TANGO6: variants seen among roughly 807,000 people sequenced by gnomAD.
TANGO6 encodes the protein transport and golgi organization 6 homolog, also known as transport and Golgi organization protein 6 homolog.
TANGO6 carries 90 observed loss-of-function variants against 114.2 expected under a neutral mutation model. That is an observed-to-expected ratio of 0.79 (90% confidence interval 0.66 to 0.94). The LOEUF is 0.94. TANGO6 is among the 40% of genes least tolerant of loss of function. TANGO6 has a pLI of 0.00. For missense variants in TANGO6, 1,274 were observed against 1,315.3 expected (o/e 0.97, Z 0.49); for synonymous variants, 477 against 509.8 (o/e 0.94, Z 0.87).
intron 15 of TANGO6, among the ~76,000 whole-genome samples, chr16:68,999,404 G>T (rs1964020211): frequency 6.6e-6 from 1 of 152,110 alleles, no homozygotes; most frequent in African/African-American, 2.4e-5. Context: ...GCTTTTATTG[G>T]CTCTATAAGT....
chr16:68,903,845 C>T (rs1343729769), intron 9 of TANGO6, among the ~76,000 whole-genome samples: 1 of 151,608 alleles, frequency 6.6e-6, no homozygotes, highest in Non-Finnish European at 1.5e-5. Flanking sequence ...TCACTCGAAC[C>T]CAGGAGATGA....
chr16:68,982,737 GTT>G (rs1387704010), intron 15 of TANGO6, among the ~76,000 whole-genome samples: 1 of 149,238 alleles, frequency 6.7e-6, no homozygotes, highest in South Asian at 2.1e-4. Flanking sequence ...CTCCCAAAGT[GTT>G]GGGATTACAG....
intron 7 of TANGO6, among the ~76,000 whole-genome samples, chr16:68,897,093 G>A (rs1039799084): frequency 9.2e-5 from 14 of 151,836 alleles, no homozygotes; most frequent in Admixed American, 7.9e-4. Flanking sequence ...TAGTAGAGAC[G>A]GGTTTCACCA....
At chr16:69,031,092 ATT>A (rs1047702995) in intron 16 of TANGO6, among the ~76,000 whole-genome samples, 1 of 151,890 alleles carries the variant, frequency 6.6e-6, no homozygotes, top group Non-Finnish European at 1.5e-5. Context: ...AAATTTAAAA[ATT>A]TTTTTTAAAA....
intron 7 of TANGO6, among the ~76,000 whole-genome samples, chr16:68,887,193 C>T (rs1336599626): frequency 6.6e-6 from 1 of 152,202 alleles, no homozygotes; most frequent in Non-Finnish European, 1.5e-5. Context: ...AGTCTGCTGT[C>T]TTTCTTTGGA....
intron 17 of TANGO6, among the ~76,000 whole-genome samples, chr16:69,048,290 T>C (rs1466803589): frequency 4.3e-5 from 5 of 116,396 alleles, no homozygotes; most frequent in Non-Finnish European, 8.6e-5. Flanking sequence ...TTTGTAGAGG[T>C]GGGGTTTCGC....
chr16:68,988,685 T>C (rs1963919282), intron 15 of TANGO6, among the ~76,000 whole-genome samples: 1 of 144,484 alleles, frequency 6.9e-6, no homozygotes, highest in Non-Finnish European at 1.5e-5. Context: ...GTTTAAGTTC[T>C]CTCTCTCTTT....
At chr16:69,082,778 A>G (rs8044158) in intron 17 of TANGO6, among the ~76,000 whole-genome samples, 48,454 of 151,794 alleles carry the variant, frequency 0.32, 9,881 homozygotes, top group African/African-American at 0.59. Context: ...TCATAAGATA[A>G]TTGCCCGTAC....
chr16:68,977,237 C>T (rs1042766591), intron 15 of TANGO6, among the ~76,000 whole-genome samples: 20 of 151,868 alleles, frequency 1.3e-4, no homozygotes, highest in Non-Finnish European at 2.5e-4. Flanking sequence ...GATGATAGAA[C>T]CTAGGTCTCC....
At position 68,843,723 on chromosome 16, in the gene TANGO6, C is replaced by T; in HGVS notation, c.94+12C>T. Reference sequence around the variant, plus strand: ...GCTGAGCCCGGGAGGTGAGAGGACGCATCTCCGCGCCGGGCTGGACCCGGG... The same window carrying T: ...GCTGAGCCCGGGAGGTGAGAGGACGTATCTCCGCGCCGGGCTGGACCCGGG... On this transcript the variant is annotated intron_variant, in intron 1 of 17. Coordinates refer to ENST00000261778, the MANE Select transcript of TANGO6 (RefSeq NM_024562.2). 1 of 1,613,130 alleles carries T rather than the reference C, an allele frequency of 6.2e-7. No homozygotes were observed. The highest frequency in any genetic ancestry group is 8.5e-7 in the Non-Finnish European group (1 of 1,179,356).
chr16:68,916,782 A>T (rs538947729), intron 11 of TANGO6, among the ~76,000 whole-genome samples: 1 of 152,174 alleles, frequency 6.6e-6, no homozygotes, highest in Non-Finnish European at 1.5e-5. Flanking sequence ...TAGATTCACA[A>T]CAAAATTGAA....
intron 17 of TANGO6, among the ~76,000 whole-genome samples, chr16:69,069,618 C>T (rs1445524566): frequency 6.6e-6 from 1 of 152,130 alleles, no homozygotes; most frequent in Admixed American, 6.6e-5. Flanking sequence ...CTTATTATTT[C>T]GGTGTATAAC....
At chr16:68,958,110 G>A (rs2152207959) in intron 14 of TANGO6, among the ~76,000 whole-genome samples, 1 of 151,322 alleles carries the variant, frequency 6.6e-6, no homozygotes, top group East Asian at 1.9e-4. Context: ...GGCAAAGGTT[G>A]TAGCGAGCCA....
chr16:69,067,824 C>A (rs1960240496), intron 17 of TANGO6, among the ~76,000 whole-genome samples: 1 of 151,586 alleles, frequency 6.6e-6, no homozygotes, highest in Admixed American at 6.6e-5. Context: ...GTAATCCCAG[C>A]TACTCGGGAG....
At position 69,006,307 on chromosome 16, in the gene TANGO6, A is replaced by G. The variant is rs538344849; in HGVS notation, c.2843-16521A>G. ...GGGAGGCAGGGCTGTGTTTCTTATC[A>G]GATTGTGCTTACACACATAGACTGC... is the stretch of plus-strand genomic sequence containing the variant. On this transcript the variant is annotated intron_variant, in intron 15 of 17. Transcript: ENST00000261778. Among the ~76,000 whole-genome samples, 3 of 152,340 alleles carry G rather than the reference A, an allele frequency of 2.0e-5. No individual in the cohort carries two copies. In the South Asian group the frequency reaches 6.2e-4, roughly 32 times the overall value.
At chr16:69,042,718 T>A (rs1114931) in intron 17 of TANGO6, among the ~76,000 whole-genome samples, 1 of 151,836 alleles carries the variant, frequency 6.6e-6, no homozygotes, top group Admixed American at 6.6e-5. Flanking sequence ...GGGACAATAA[T>A]ACACATTGCT....
At chr16:69,046,934 T>C (rs55824650) in intron 17 of TANGO6, among the ~76,000 whole-genome samples, 139 of 152,086 alleles carry the variant, frequency 9.1e-4, no homozygotes, top group Non-Finnish European at 1.6e-3. Context: ...CCCAGCACTT[T>C]GTTTGGGAGG....
At chr16:69,067,516 C>G (rs1288038373) in intron 17 of TANGO6, among the ~76,000 whole-genome samples, 2 of 77,900 alleles carry the variant, frequency 2.6e-5, no homozygotes, top group Non-Finnish European at 4.5e-5. Flanking sequence ...AAAACTCCAT[C>G]TCAAAAAAAA....
chr16:69,007,532 T>C (rs1030739419), intron 15 of TANGO6, among the ~76,000 whole-genome samples: 1 of 152,172 alleles, frequency 6.6e-6, no homozygotes, highest in African/African-American at 2.4e-5. Context: ...CCCAAAGTGC[T>C]GGGATTACAG....
Sources: gnomAD v4.1 joint callset for allele counts (sites outside exome capture counted in the v4.1 genomes callset) on GRCh38, gnomAD v4.1.1 for gene constraint, MANE v1.5 for transcripts, NCBI Gene and HGNC (gene_info 2026-07-23, HGNC 2026-07-21) for gene names.